Variants in RHEX observed in about 807,000 individuals in gnomAD.
RHEX encodes the protein regulator of hemoglobinization and erythroid cell expansion.
Under a neutral mutation model 20.1 loss-of-function variants are expected in RHEX, and 18 were observed. That is an observed-to-expected ratio of 0.90 (90% CI 0.62 to 1.33). The LOEUF is 1.33. Among genes scored for constraint, RHEX ranks in the 40% most tolerant of loss-of-function variants. The probability of loss-of-function intolerance (pLI) is 0.00; values close to 1 mark genes in which losing one functional copy is unlikely to be tolerated. For missense variants in RHEX, 192 were observed against 214.3 expected (o/e 0.90, Z 0.65); for synonymous variants, 87 against 77.1 (o/e 1.13, Z -0.67).
chr1:206,079,583 T>A (rs1490128305), intron 1 of RHEX, among the ~76,000 whole-genome samples: 2 of 151,970 alleles, frequency 1.3e-5, no homozygotes, highest in African/African-American at 4.8e-5. Flanking sequence ...TTAGATGGAG[T>A]CTCACTGTGT....
chr1:206,102,152 C>T lies in RHEX; in HGVS notation c.*200C>T. ...GACTCCTGGTCTGTACCCAAAAAAG[C>T]TGTTCGTTCCTCAAAAACAAAAACA... On this transcript the variant is annotated 3_prime_UTR_variant, in exon 6 of 6. Transcript: ENST00000331555. 1 of 589,780 alleles carries T rather than the reference C, an allele frequency of 1.7e-6. No individual in the cohort carries two copies. Among genetic ancestry groups the T allele is most frequent in the Non-Finnish European group, 3.0e-6 (1 of 332,306 alleles). The allele number at this position is 589,780 out of a possible 1,614,324, so 36.5% of individuals were successfully genotyped here.
At chr1:206,053,645 A>T (rs1025407328) in intron 1 of RHEX, among the ~76,000 whole-genome samples, 18 of 152,218 alleles carry the variant, frequency 1.2e-4, no homozygotes, top group Admixed American at 4.6e-4. Flanking sequence ...TTACTGTGAC[A>T]CCAGGAAAAC....
At chr1:206,099,433 C>T (rs559471685) in intron 3 of RHEX, among the ~76,000 whole-genome samples, 4 of 152,090 alleles carry the variant, frequency 2.6e-5, no homozygotes, top group African/African-American at 9.6e-5. Context: ...GTTCTCTTGC[C>T]TCAGCCTCCC....
At chr1:206,098,337 C>G (rs1663121340) in intron 3 of RHEX, 156 bp downstream of exon 3, 2 of 615,726 alleles carry the variant, frequency 3.2e-6, no homozygotes, top group Non-Finnish European at 5.9e-6. Flanking sequence ...CCCCTCCCCC[C>G]AATAACTGTA....
chr1:206,093,172 T>C (rs914490814), intron 1 of RHEX, among the ~76,000 whole-genome samples: 6 of 152,254 alleles, frequency 3.9e-5, no homozygotes, highest in Admixed American at 2.6e-4. Context: ...AACAAATTAA[T>C]GGAGACAGCA....
chr1:206,100,317 A>G (rs1663162915), intron 4 of RHEX, among the ~76,000 whole-genome samples: 1 of 152,210 alleles, frequency 6.6e-6, no homozygotes, highest in Non-Finnish European at 1.5e-5. Flanking sequence ...ACCCTCCTGC[A>G]AGTGAGCCAA....
intron 1 of RHEX, chr1:206,056,516 C>G (rs1286750031): frequency 6.6e-6 from 1 of 152,246 alleles, no homozygotes; most frequent in Non-Finnish European, 1.5e-5. Flanking sequence ...TATAAGTGTA[C>G]CAGGACTCTA....
chr1:206,058,907 G>C (rs1205903064), intron 1 of RHEX, among the ~76,000 whole-genome samples: 1 of 152,138 alleles, frequency 6.6e-6, no homozygotes, highest in African/African-American at 2.4e-5. Context: ...GGCTCGTCCT[G>C]CTACAACTGG....
intron 1 of RHEX, among the ~76,000 whole-genome samples, chr1:206,064,759 G>A (rs1182948688): frequency 2.6e-5 from 4 of 151,938 alleles, no homozygotes; most frequent in African/African-American, 7.3e-5. Flanking sequence ...CCCGGCCACC[G>A]CCCCGTCTGG....
At chr1:206,072,571 A>G (rs1236130832) in intron 1 of RHEX, among the ~76,000 whole-genome samples, 1 of 152,162 alleles carries the variant, frequency 6.6e-6, no homozygotes, top group African/African-American at 2.4e-5. Context: ...GCAAGACTCC[A>G]TCTCAAAAAG....
At chr1:206,058,266 C>T (rs1662237287) in intron 1 of RHEX, among the ~76,000 whole-genome samples, 1 of 151,940 alleles carries the variant, frequency 6.6e-6, no homozygotes, top group South Asian at 2.1e-4. Flanking sequence ...CTGTATTTCT[C>T]CAAATGATAA....
intron 1 of RHEX, among the ~76,000 whole-genome samples, chr1:206,065,400 T>A (rs1268519829): frequency 2.6e-5 from 4 of 152,138 alleles, no homozygotes; most frequent in Non-Finnish European, 5.9e-5. Flanking sequence ...AGGACTTGCA[T>A]GCTTCTCTGG....
intron 1 of RHEX, among the ~76,000 whole-genome samples, chr1:206,074,549 T>C (rs1662595906): frequency 6.6e-6 from 1 of 152,194 alleles, no homozygotes; most frequent in Non-Finnish European, 1.5e-5. Context: ...CCGTGGTTTT[T>C]AGTATATTCA....
intron 1 of RHEX, among the ~76,000 whole-genome samples, chr1:206,093,180 G>A (rs967695507): frequency 4.6e-5 from 7 of 152,030 alleles, no homozygotes; most frequent in African/African-American, 1.7e-4. Context: ...AATGGAGACA[G>A]CAAAGAAAGT....
At chr1:206,059,922 C>T (rs1558168022) in intron 1 of RHEX, among the ~76,000 whole-genome samples, 1 of 152,164 alleles carries the variant, frequency 6.6e-6, no homozygotes. Context: ...TGCTTATGTC[C>T]TGATCCTGTC....
intron 1 of RHEX, among the ~76,000 whole-genome samples, chr1:206,054,690 T>C (rs1337574170): frequency 1.3e-5 from 2 of 152,270 alleles, no homozygotes; most frequent in Admixed American, 6.5e-5. Flanking sequence ...AATCTTACCT[T>C]ATGGTCAAAC....
intron 1 of RHEX, among the ~76,000 whole-genome samples, chr1:206,092,456 G>A (rs1436974206): frequency 2.0e-5 from 3 of 152,174 alleles, no homozygotes; most frequent in Non-Finnish European, 4.4e-5. Flanking sequence ...CAGAGAATGA[G>A]CTGGGATTTG....
intron 1 of RHEX, among the ~76,000 whole-genome samples, chr1:206,055,851 G>A (rs1662183318): frequency 6.6e-6 from 1 of 152,282 alleles, no homozygotes; most frequent in Non-Finnish European, 1.5e-5. Flanking sequence ...CAAGGCCAGT[G>A]GCCTATCTCT....
intron 1 of RHEX, among the ~76,000 whole-genome samples, chr1:206,079,631 C>T (rs1327555001): frequency 2.0e-5 from 3 of 152,154 alleles, no homozygotes; most frequent in Non-Finnish European, 4.4e-5. Context: ...TCTCAACTCA[C>T]TGCAACCTCT....
Sources: gnomAD v4.1 joint callset for allele counts (sites outside exome capture counted in the v4.1 genomes callset) on GRCh38, gnomAD v4.1.1 for gene constraint, MANE v1.5 for transcripts, NCBI Gene and HGNC (gene_info 2026-07-23, HGNC 2026-07-21) for gene names.